The following IL1RAPL2 variants were observed in gnomAD, a reference collection of about 807,000 sequenced individuals.
IL1RAPL2 encodes the protein interleukin 1 receptor accessory protein like 2, also known as X-linked interleukin-1 receptor accessory protein-like 2.
A neutral mutation model predicts 44.1 loss-of-function variants in IL1RAPL2; 3 were observed. The observed-to-expected ratio is 0.07, with a 90% CI of 0.03 to 0.18. The LOEUF (loss-of-function observed/expected upper bound fraction) is 0.18. Ranked by LOEUF, IL1RAPL2 falls within the 10% of genes least tolerant of loss-of-function variation. IL1RAPL2 has a pLI of 1.00. For missense variants in IL1RAPL2, 391 were observed against 496.4 expected (o/e 0.79, Z 2.02); for synonymous variants, 181 against 178.8 (o/e 1.01, Z -0.10).
At chrX:104,797,189 C>CG (rs1932854712) in intron 2 of IL1RAPL2, among the ~76,000 whole-genome samples, 1 of 24,481 alleles carries the variant, frequency 4.1e-5, no homozygotes, top group Non-Finnish European at 6.4e-5. Flanking sequence ...TCTTCAGCCC[C>CG]CCCCCCCCCC....
intron 8 of IL1RAPL2, among the ~76,000 whole-genome samples, chrX:105,746,850 C>T (rs1392226352): frequency 9.0e-6 from 1 of 111,251 alleles, no homozygotes; most frequent in Non-Finnish European, 1.9e-5. Flanking sequence ...GAGAGAGAGA[C>T]AGAAAGACCA....
At chrX:104,790,221 C>A (rs915628523) in intron 2 of IL1RAPL2, among the ~76,000 whole-genome samples, 1 of 112,132 alleles carries the variant, frequency 8.9e-6, no homozygotes, top group Non-Finnish European at 1.9e-5. Context: ...GGGATATTAA[C>A]TTAGCCAGGG....
At chrX:105,298,354 G>A (rs1340925426) in intron 5 of IL1RAPL2, among the ~76,000 whole-genome samples, 1 of 110,835 alleles carries the variant, frequency 9.0e-6, no homozygotes, top group Non-Finnish European at 1.9e-5. Context: ...AATGTGGAGG[G>A]AGAATGGACA....
At chrX:104,816,635 G>A (rs1921144243) in intron 2 of IL1RAPL2, among the ~76,000 whole-genome samples, 1 of 112,262 alleles carries the variant, frequency 8.9e-6, no homozygotes, top group African/African-American at 3.2e-5. Flanking sequence ...CAAATGTCGT[G>A]ATGGAAAAAT....
At chrX:104,734,556 A>G (rs1931979897) in intron 2 of IL1RAPL2, among the ~76,000 whole-genome samples, 2 of 112,158 alleles carry the variant, frequency 1.8e-5, no homozygotes, top group Non-Finnish European at 3.8e-5. Context: ...AAGGCTGCAT[A>G]TTGTATCATT....
At chrX:105,377,167 G>A (rs1166742823) in intron 5 of IL1RAPL2, among the ~76,000 whole-genome samples, 1 of 111,377 alleles carries the variant, frequency 9.0e-6, no homozygotes, top group Non-Finnish European at 1.9e-5. Context: ...ACAAATGGGG[G>A]CAAACTTGAT....
At chrX:105,551,287 CA>C (rs764140800) in intron 6 of IL1RAPL2, among the ~76,000 whole-genome samples, 530 of 81,727 alleles carry the variant, frequency 6.5e-3, no homozygotes, top group South Asian at 0.021. Context: ...TGCACTTTAC[CA>C]AAAAAAAAAA....
chrX:104,984,426 TAGAA>T (rs1395905915), intron 2 of IL1RAPL2, among the ~76,000 whole-genome samples: 1 of 111,756 alleles, frequency 8.9e-6, no homozygotes, highest in Non-Finnish European at 1.9e-5. Context: ...GCCACTAAAG[TAGAA>T]AGAAACCTGT....
intron 5 of IL1RAPL2, among the ~76,000 whole-genome samples, chrX:105,468,296 C>T (rs1435768835): frequency 1.8e-5 from 2 of 111,782 alleles, no homozygotes; most frequent in African/African-American, 6.5e-5. Context: ...TTTCCACTTA[C>T]ATTGCACTGA....
At chrX:104,914,863 A>C (rs1480376445) in intron 2 of IL1RAPL2, among the ~76,000 whole-genome samples, 2 of 110,945 alleles carry the variant, frequency 1.8e-5, no homozygotes, top group Non-Finnish European at 3.8e-5. Context: ...ATGATTTCCA[A>C]TTTCATCCAT....
intron 5 of IL1RAPL2, among the ~76,000 whole-genome samples, chrX:105,320,750 G>A (rs1248814986): frequency 8.9e-6 from 1 of 111,917 alleles, no homozygotes; most frequent in Non-Finnish European, 1.9e-5. Flanking sequence ...ATGTGTGAAT[G>A]TGTAGATGTA....
intron 5 of IL1RAPL2, among the ~76,000 whole-genome samples, chrX:105,418,715 TAATCCC>T (rs2035752362): frequency 1.8e-5 from 2 of 112,014 alleles, no homozygotes; most frequent in East Asian, 5.6e-4. Flanking sequence ...GAATCTACAC[TAATCCC>T]AAGATGTACA....
chrX:105,243,500 A>G (rs2034189119), intron 4 of IL1RAPL2, among the ~76,000 whole-genome samples: 1 of 107,126 alleles, frequency 9.3e-6, no homozygotes. Context: ...TTTCTAATGT[A>G]CATAAGCAGA....
chrX:104,884,232 C>T (rs1923164558), intron 2 of IL1RAPL2, among the ~76,000 whole-genome samples: 1 of 111,563 alleles, frequency 9.0e-6, no homozygotes, highest in Admixed American at 9.5e-5. Context: ...CAGTAAGGGC[C>T]ACTAAATCAG....
chrX:105,220,254 G>A (rs2033942426), intron 3 of IL1RAPL2: 1 of 1,211,647 alleles, frequency 8.3e-7, no homozygotes, highest in African/African-American at 1.7e-5. Flanking sequence ...CCCTCAGCTT[G>A]TCTTCCACCT....
intron 2 of IL1RAPL2, among the ~76,000 whole-genome samples, chrX:104,847,580 G>T (rs1381618301): frequency 8.9e-6 from 1 of 111,856 alleles, no homozygotes; most frequent in Admixed American, 9.5e-5. Context: ...GTACCATGCT[G>T]TTTTGGTTAC....
intron 1 of IL1RAPL2, among the ~76,000 whole-genome samples, chrX:104,642,883 A>G (rs73523317): frequency 0.055 from 6,125 of 111,599 alleles, 440 homozygotes; most frequent in African/African-American, 0.19. Context: ...ATAGAGACAC[A>G]CTGTACCTGA....
chrX:104,776,389 G>C (rs1932720046), intron 2 of IL1RAPL2, among the ~76,000 whole-genome samples: 1 of 112,185 alleles, frequency 8.9e-6, no homozygotes, highest in Non-Finnish European at 1.9e-5. Flanking sequence ...GCTGGAAAAT[G>C]AAGACAATGT....
At chrX:105,450,143 A>C (rs963884250) in intron 5 of IL1RAPL2, among the ~76,000 whole-genome samples, 1 of 111,973 alleles carries the variant, frequency 8.9e-6, no homozygotes, top group Admixed American at 9.4e-5. Context: ...CCCTCCATTC[A>C]CAGTCACTGG....
Sources: allele counts gnomAD v4.1 joint callset (sites outside exome capture counted in the v4.1 genomes callset), GRCh38; gene constraint gnomAD v4.1.1; transcripts MANE v1.5; gene names NCBI Gene and HGNC (gene_info 2026-07-23, HGNC 2026-07-21).